Variants in PITPNB observed in about 807,000 individuals in gnomAD.
PITPNB encodes phosphatidylinositol transfer protein beta, also known as phosphatidylinositol transfer protein beta isoform.
Under a neutral mutation model 45.9 loss-of-function variants are expected in PITPNB, and 16 were observed. That is an observed-to-expected ratio of 0.35 (90% CI 0.24 to 0.53). The LOEUF (loss-of-function observed/expected upper bound fraction) is 0.53, where lower values mean the gene tolerates loss of function less well. PITPNB is among the 20% of genes least tolerant of loss of function. The pLI is 0.93. For missense variants in PITPNB, 188 were observed against 330.5 expected (o/e 0.57, Z 3.34); for synonymous variants, 112 against 108.9 (o/e 1.03, Z -0.18).
At chr22:27,905,850 T>A (rs1935742893) in intron 3 of PITPNB, among the ~76,000 whole-genome samples, 1 of 152,222 alleles carries the variant, frequency 6.6e-6, no homozygotes, top group Non-Finnish European at 1.5e-5. Flanking sequence ...CAGTGAGGTC[T>A]CAGGAGAGCT....
intron 6 of PITPNB, among the ~76,000 whole-genome samples, chr22:27,895,704 G>A (rs1268186044): frequency 2.6e-5 from 4 of 152,072 alleles, no homozygotes; most frequent in Non-Finnish European, 5.9e-5. Flanking sequence ...CATCAATAAC[G>A]TAAGAGCACC....
chr22:27,915,256 T>C (rs1266273609), intron 1 of PITPNB, among the ~76,000 whole-genome samples: 1 of 152,208 alleles, frequency 6.6e-6, no homozygotes, highest in African/African-American at 2.4e-5. Context: ...CCTAATCTTA[T>C]CTGTCATTTT....
At chr22:27,856,819 G>A (rs1319990664) in intron 10 of PITPNB, among the ~76,000 whole-genome samples, 1 of 152,146 alleles carries the variant, frequency 6.6e-6, no homozygotes, top group African/African-American at 2.4e-5. Context: ...GAGCTGGCAG[G>A]TATTCCTGAA....
intron 3 of PITPNB, among the ~76,000 whole-genome samples, chr22:27,899,032 T>C (rs533426844): frequency 6.6e-6 from 1 of 152,336 alleles, no homozygotes; most frequent in African/African-American, 2.4e-5. Context: ...AATCCCAACA[T>C]CACCATTTGG....
intron 2 of PITPNB, 89 bp from the exon 3 acceptor site, chr22:27,911,198 A>C (rs1311441547): frequency 3.4e-6 from 3 of 869,862 alleles, no homozygotes; most frequent in African/African-American, 3.4e-5. Flanking sequence ...TAGATGATAT[A>C]GAAAAGCATA....
intron 9 of PITPNB, among the ~76,000 whole-genome samples, 162 bp from the exon 10 acceptor site, chr22:27,858,671 G>A (rs1390954585): frequency 1.3e-5 from 2 of 152,034 alleles, no homozygotes; most frequent in African/African-American, 4.8e-5. Flanking sequence ...AATTATCATT[G>A]TGTCCAGCAA....
At chr22:27,874,929 T>C (rs1934777138) in intron 7 of PITPNB, among the ~76,000 whole-genome samples, 1 of 152,176 alleles carries the variant, frequency 6.6e-6, no homozygotes, top group Non-Finnish European at 1.5e-5. Context: ...ATAAGGGCAG[T>C]ATGAGCAAAA....
chr22:27,892,994 A>T (rs1403906150), intron 7 of PITPNB, among the ~76,000 whole-genome samples: 1 of 152,170 alleles, frequency 6.6e-6, no homozygotes, highest in Non-Finnish European at 1.5e-5. Context: ...AAAACCAGAC[A>T]TTTAGCGTTT....
At chr22:27,889,079 G>C (rs1433398353) in intron 7 of PITPNB, among the ~76,000 whole-genome samples, 5 of 152,202 alleles carry the variant, frequency 3.3e-5, no homozygotes, top group Admixed American at 2.6e-4. Flanking sequence ...AAATCTTACA[G>C]TCAAGACTAA....
intron 3 of PITPNB, among the ~76,000 whole-genome samples, chr22:27,901,189 T>G (rs865824610): frequency 6.6e-6 from 1 of 152,212 alleles, no homozygotes; most frequent in African/African-American, 2.4e-5. Flanking sequence ...CCATGAAGAC[T>G]CTTCAGGAAT....
intron 3 of PITPNB, among the ~76,000 whole-genome samples, chr22:27,906,387 T>C (rs1247620499): frequency 6.6e-6 from 1 of 152,232 alleles, no homozygotes; most frequent in Non-Finnish European, 1.5e-5. Flanking sequence ...AAGTAAGAGA[T>C]GGTGAAACCT....
rs1220397704 is a variant in PITPNB, at chr22:27,858,630, CTG to C, written c.646-123_646-122del. The C allele has an allele frequency of 1.8e-5, 12 of 654,298 alleles. No individual in the cohort carries two copies. The Admixed American group carries it at 4.0e-4, about 22-fold the overall frequency. The allele number at this position is 654,298 out of a possible 1,614,324, so 40.5% of individuals were successfully genotyped here. On this transcript the variant is annotated intron_variant, in intron 9 of 11. Transcript: ENST00000335272. ...ACACATTTGGTTCAAAAAGACTACTCTGTAGATTTGTGGAAATCATAATTCCA... is the reference window on the plus strand; with the variant it reads ...ACACATTTGGTTCAAAAAGACTACTCTAGATTTGTGGAAATCATAATTCCA...
intron 8 of PITPNB, among the ~76,000 whole-genome samples, chr22:27,864,256 TAC>T (rs550281319): frequency 2.0e-3 from 301 of 152,346 alleles, no homozygotes; most frequent in African/African-American, 6.8e-3. Context: ...AAATGTGAGC[TAC>T]AGTTATTTAA....
chr22:27,858,157 C>A (rs1934224558), intron 10 of PITPNB, among the ~76,000 whole-genome samples: 3 of 152,192 alleles, frequency 2.0e-5, no homozygotes, highest in Admixed American at 2.0e-4. Flanking sequence ...GTAACCAATT[C>A]TAGACTGAGA....
In PITPNB at chr22:27,860,212, G is replaced by T; in HGVS notation, c.564C>A (p.Pro188=). 2 of 1,613,220 alleles carry T rather than the reference G, an allele frequency of 1.2e-6. No homozygotes were observed. The highest frequency in any genetic ancestry group is 2.2e-5 in the South Asian group (2 of 91,034). ...TCACCAGCTTATAGGCACACATCTG[G>T]GGACAGTCAGGGCTGTTTGCCAGCT... ...KKELANSPDC[P]QMCAYKLVTI... is the part of the protein sequence containing the mutation. The change falls in exon 9 of 12, where the codon CCC becomes CCA. Residue 188 remains proline, a synonymous_variant. Coordinates refer to ENST00000335272, the MANE Select transcript of PITPNB (RefSeq NM_012399.5).
chr22:27,863,289 T>C (rs988642850), intron 8 of PITPNB, among the ~76,000 whole-genome samples: 3 of 152,166 alleles, frequency 2.0e-5, no homozygotes, highest in Admixed American at 2.0e-4. Flanking sequence ...TCAGGACTTT[T>C]CATTCTCCAC....
chr22:27,864,740 T>TGTGAA, intron 8 of PITPNB, among the ~76,000 whole-genome samples: 1 of 151,904 alleles, frequency 6.6e-6, no homozygotes, highest in East Asian at 1.9e-4. Context: ...GAGTTCTAAA[T>TGTGAA]CAGCCTGGCC....
chr22:27,894,398 C>T (rs552012665), intron 7 of PITPNB, 157 bp downstream of exon 7: 28 of 544,884 alleles, frequency 5.1e-5, no homozygotes, highest in South Asian at 7.9e-5. Context: ...GCTGCACAGA[C>T]GTACTAGACT....
chr22:27,903,420 G>C (rs1019779773), intron 3 of PITPNB, among the ~76,000 whole-genome samples: 1 of 143,216 alleles, frequency 7.0e-6, no homozygotes, highest in Non-Finnish European at 1.5e-5. Flanking sequence ...GGTGAGCCGA[G>C]ATCACGCCAT....
Sources: allele counts gnomAD v4.1 joint callset (sites outside exome capture counted in the v4.1 genomes callset), GRCh38; gene constraint gnomAD v4.1.1; transcripts MANE v1.5; gene names NCBI Gene and HGNC (gene_info 2026-07-23, HGNC 2026-07-21).